The following SLC25A13 variants were observed in gnomAD, a reference collection of about 807,000 sequenced individuals.
SLC25A13 encodes the protein electrogenic aspartate/glutamate antiporter SLC25A13, mitochondrial.
SLC25A13 carries 70 observed loss-of-function variants against 85.5 expected under a neutral mutation model. The ratio of observed to expected loss-of-function variants is 0.82; its 90% CI spans 0.68 to 1.00. SLC25A13 has a LOEUF of 1.00. Ranked by LOEUF, SLC25A13 falls within the 50% of genes least tolerant of loss-of-function variation. SLC25A13 has a pLI of 0.00. For missense variants in SLC25A13, 765 were observed against 819.8 expected, an observed-to-expected ratio of 0.93 and a Z score of 0.82; for synonymous variants, 259 against 288.7, an observed-to-expected ratio of 0.90 and a Z score of 1.04.
rs534452813 is a variant in SLC25A13, at chr7:96,277,305, T to G, written c.103A>C (p.Met35Leu). 4 of 1,613,070 alleles carry G rather than the reference T, an allele frequency of 2.5e-6. No individual in the cohort carries two copies. The highest frequency in any genetic ancestry group is 3.4e-6 in the Non-Finnish European group (4 of 1,179,536). The stretch of plus-strand genomic sequence containing the variant: ...CGAGTGACAAAGTCATTGGGGGACA[T>G]GAAAAATTCACCGTTTTTCTCAATG... ...ASIEKNGEFF[M>L]SPNDFVTRYL... The change falls in exon 3 of 18, where the codon ATG becomes CTG. Residue 35 changes from methionine (M) to leucine (L), a missense_variant. Physicochemically the swap from Met to Leu is conservative, Grantham distance 15. Transcript: ENST00000265631.
chr7:96,297,032 C>A, intron 1 of SLC25A13, 81 bp from the exon 2 acceptor site: 1 of 1,300,746 alleles, frequency 7.7e-7, no homozygotes, highest in East Asian at 2.3e-5. Flanking sequence ...AAATAAATCT[C>A]AGATTAAAAA....
chr7:96,131,199 G>A (rs1036076586), intron 15 of SLC25A13, among the ~76,000 whole-genome samples: 1 of 152,050 alleles, frequency 6.6e-6, no homozygotes, highest in Non-Finnish European at 1.5e-5. Context: ...TGTTTTCAAT[G>A]GAGCACTGAA....
At chr7:96,207,652 T>C (rs866329959) in intron 5 of SLC25A13, among the ~76,000 whole-genome samples, 52 of 152,194 alleles carry the variant, frequency 3.4e-4, no homozygotes, top group Admixed American at 6.5e-5. Flanking sequence ...CCTATAGATA[T>C]TGACCTCTAG....
Position 96,307,569 on chromosome 7 carries a change from T to C in SLC25A13, c.16-10618A>G, listed in dbSNP as rs191799917. On this transcript the variant is annotated intron_variant, in intron 1 of 17. Transcript: ENST00000265631. ...CATCCTGTCTCCAAAAACAAAAATT[T>C]AATTAAAAAAAAAAAAGTAGGGATG... Among the ~76,000 whole-genome samples the C allele has an allele frequency of 7.7e-4, 115 of 149,828 alleles. 3 individuals carry two copies. In the East Asian group the frequency reaches 0.021, roughly 28 times the overall value.
intron 13 of SLC25A13, among the ~76,000 whole-genome samples, chr7:96,164,711 TACACACACAC>T (rs56377235): frequency 8.6e-4 from 123 of 143,150 alleles, no homozygotes; most frequent in African/African-American, 2.6e-3. Flanking sequence ...GGATTAACTT[TACACACACAC>T]ACACACACAC....
rs1346924910 is a variant in SLC25A13, at chr7:96,322,069, G to A, written c.-113C>T. 1.4e-6 allele frequency: 2 copies of A among 1,412,604 alleles called. No homozygotes were observed. The highest frequency in any genetic ancestry group is 2.1e-5 in the Admixed American group (1 of 48,274). 87.5% of individuals were successfully genotyped at this position (1,412,604 alleles called of 1,614,324 possible). ...GCGGCGGCGGTGGGGGCGGCGATAC[G>A]GCCAGGCAGCGTGCGTTCCTGGCCT... On this transcript the variant is annotated 5_prime_UTR_variant, in exon 1 of 18. Coordinates refer to ENST00000265631, the MANE Select transcript of SLC25A13 (RefSeq NM_014251.3).
intron 3 of SLC25A13, among the ~76,000 whole-genome samples, chr7:96,241,851 C>A (rs1257980650): frequency 6.6e-6 from 1 of 152,144 alleles, no homozygotes; most frequent in African/African-American, 2.4e-5. Flanking sequence ...GAAAGAATCA[C>A]ACTAACGGAC....
intron 1 of SLC25A13, among the ~76,000 whole-genome samples, chr7:96,308,353 C>G (rs557483484): frequency 7.7e-4 from 118 of 152,312 alleles, no homozygotes; most frequent in Non-Finnish European, 1.5e-3. Flanking sequence ...CAGCAGATAC[C>G]TGACCCCTGT....
In SLC25A13 at chr7:96,193,152, A is replaced by G. The variant is rs1488490423; in HGVS notation, c.500T>C (p.Phe167Ser). ...EIQLEHAKQAFVQRDNARTGR... is the reference protein window; with the variant it reads ...EIQLEHAKQASVQRDNARTGR... ...AGTCCTAGCATTGTCCCGTTGCACA[A>G]AGGCTTGCTTTGCGTGCTCCAGTTG... The change falls in exon 6 of 18, where the codon TTT becomes TCT. Residue 167 changes from phenylalanine (F) to serine (S), a missense_variant. Phe to Ser is a radical substitution (Grantham distance 155). Coordinates refer to ENST00000265631, the MANE Select transcript of SLC25A13 (RefSeq NM_014251.3). 5 of 1,614,176 alleles carry G rather than the reference A, an allele frequency of 3.1e-6. No homozygotes were observed. The South Asian group carries it at 5.5e-5, about 18-fold the overall frequency.
At chr7:96,131,362 A>G (rs78553697) in intron 15 of SLC25A13, among the ~76,000 whole-genome samples, 3,525 of 152,228 alleles carry the variant, frequency 0.023, 93 homozygotes, top group African/African-American at 0.062. Flanking sequence ...ACAGGCTTTT[A>G]TGCACTATTT....
At chr7:96,154,406 C>T (rs1793171084) in intron 13 of SLC25A13, among the ~76,000 whole-genome samples, 1 of 151,266 alleles carries the variant, frequency 6.6e-6, no homozygotes, top group South Asian at 2.1e-4. Flanking sequence ...AAGCGATTCT[C>T]AGGCCTCAGT....
At position 96,191,509 on chromosome 7, in the gene SLC25A13, G is replaced by A. The variant is rs560701005; in HGVS notation, c.616-262C>T. 2.6e-5 allele frequency among the ~76,000 whole-genome samples: 4 copies of A among 152,208 alleles called. No individual in the cohort carries two copies. The South Asian group carries it at 8.3e-4, about 32-fold the overall frequency. On this transcript the variant is annotated intron_variant, in intron 6 of 17. Coordinates refer to ENST00000265631, the MANE Select transcript of SLC25A13 (RefSeq NM_014251.3). ...AAATACATGTGTAGGATTATAACAG[G>A]ACTAGTAGTAATTTAGAGTTCAAAT...
At chr7:96,284,664 T>A (rs1009992694) in intron 2 of SLC25A13, among the ~76,000 whole-genome samples, 1 of 152,230 alleles carries the variant, frequency 6.6e-6, no homozygotes, top group South Asian at 2.1e-4. Context: ...CAGGTGGAGA[T>A]AACTGAATCA....
intron 1 of SLC25A13, among the ~76,000 whole-genome samples, chr7:96,317,126 A>G (rs1800158467): frequency 1.3e-5 from 2 of 152,068 alleles, no homozygotes; most frequent in African/African-American, 2.4e-5. Context: ...ATGCACCACT[A>G]TGCCCGGCTA....
intron 14 of SLC25A13, among the ~76,000 whole-genome samples, chr7:96,143,375 C>G (rs145863269): frequency 1.1e-3 from 173 of 152,228 alleles, no homozygotes; most frequent in African/African-American, 4.0e-3. Flanking sequence ...GGGGTTTATG[C>G]AATAAAACAG....
chr7:96,169,454 G>A (rs1471014532), intron 13 of SLC25A13, among the ~76,000 whole-genome samples: 4 of 51,568 alleles, frequency 7.8e-5, no homozygotes, highest in South Asian at 2.2e-3. Context: ...AAACCAGTAC[G>A]AGATAAAACG....
chr7:96,184,291 A>G lies in SLC25A13; in HGVS notation c.1163T>C (p.Phe388Ser). 1.2e-6 allele frequency: 2 copies of G among 1,614,180 alleles called. No individual in the cohort carries two copies. The highest frequency in any genetic ancestry group is 2.2e-5 in the East Asian group (1 of 44,872). The change falls in exon 11 of 18, where the codon TTT (phenylalanine) becomes TCT (serine). Residue 388 changes from phenylalanine to serine, a missense_variant. Transcript: ENST00000265631. ...FKKVLRYEGF[F>S]GLYRGLLPQL... is the part of the protein sequence containing the mutation. ...GTGGCACTAACCTCTATACAGTCCA[A>G]AGAAGCCTTCATAGCGTAGCACTTT...
chr7:96,249,794 T>C (rs6465496), intron 3 of SLC25A13, among the ~76,000 whole-genome samples: 124,613 of 151,408 alleles, frequency 0.82, 51,472 homozygotes, highest in Admixed American at 0.87. Flanking sequence ...TGCATTTTCT[T>C]GGTATAAGTA....
intron 9 of SLC25A13, among the ~76,000 whole-genome samples, chr7:96,188,957 A>G (rs1315965287): frequency 6.6e-6 from 1 of 152,248 alleles, no homozygotes; most frequent in East Asian, 1.9e-4. Flanking sequence ...CGACAGGCAC[A>G]GTGACACCAA....
Sources: gnomAD v4.1 joint callset for allele counts (sites outside exome capture counted in the v4.1 genomes callset) on GRCh38, gnomAD v4.1.1 for gene constraint, MANE v1.5 for transcripts, NCBI Gene and HGNC (gene_info 2026-07-23, HGNC 2026-07-21) for gene names.